The following TOLLIP variants were observed in gnomAD, a reference collection of about 807,000 sequenced individuals.
TOLLIP encodes toll interacting protein.
Under a neutral mutation model 33.5 loss-of-function variants are expected in TOLLIP, and 16 were observed. That is an observed-to-expected ratio of 0.48 (90% CI 0.32 to 0.72). The LOEUF (loss-of-function observed/expected upper bound fraction) is 0.72. TOLLIP is among the 30% of genes least tolerant of loss of function. TOLLIP has a pLI of 0.03. For missense variants in TOLLIP, 325 were observed against 396.6 expected (o/e 0.82, Z 1.53); for synonymous variants, 176 against 163.7 (o/e 1.07, Z -0.57).
rs1354834942 is a variant in TOLLIP, at chr11:1,274,752, A to T, written c.*2287T>A. ...AGGCTGGCAAGGCCTGGGCCCTCAGACACCAGGGGCCTAAACCCAGCTCCC... is the reference window on the plus strand; with the variant it reads ...AGGCTGGCAAGGCCTGGGCCCTCAGTCACCAGGGGCCTAAACCCAGCTCCC... On this transcript the variant is annotated 3_prime_UTR_variant, in exon 6 of 6. Coordinates refer to ENST00000317204, the MANE Select transcript of TOLLIP (RefSeq NM_019009.4). The T allele has an allele frequency of 2.0e-5, 3 of 152,312 alleles. No individual in the cohort carries two copies. In the East Asian group the frequency reaches 5.8e-4, roughly 30 times the overall value. The allele number at this position is 152,312 out of a possible 1,614,324, so 9.4% of individuals were successfully genotyped here.
chr11:1,307,547 C>G (rs1172796281), intron 1 of TOLLIP, among the ~76,000 whole-genome samples: 3 of 152,218 alleles, frequency 2.0e-5, no homozygotes, highest in African/African-American at 7.2e-5. Context: ...GGAACAAGTT[C>G]CCAGGAGGCA....
chr11:1,285,131 G>C (rs1482858234), intron 5 of TOLLIP, among the ~76,000 whole-genome samples: 1 of 151,474 alleles, frequency 6.6e-6, no homozygotes, highest in East Asian at 1.9e-4. Context: ...ATGCAGCCCC[G>C]AGACCCTCCC....
intron 1 of TOLLIP, among the ~76,000 whole-genome samples, chr11:1,300,108 C>T (rs5743918): frequency 0.037 from 5,605 of 152,242 alleles, 350 homozygotes; most frequent in African/African-American, 0.13. Context: ...TAAAAACATT[C>T]GTGAATTACT....
intron 2 of TOLLIP, chr11:1,295,246 A>C: frequency 5.9e-6 from 1 of 168,888 alleles, no homozygotes; most frequent in Non-Finnish European, 1.3e-5. Flanking sequence ...CTCTGTGGGG[A>C]GGGAGGGTGC....
At chr11:1,288,500 AG>A (rs1282011470) in intron 4 of TOLLIP, 123 bp downstream of exon 4, 1 of 1,224,946 alleles carries the variant, frequency 8.2e-7, no homozygotes, top group East Asian at 2.6e-5. Flanking sequence ...TCAGAACGTG[AG>A]CCCTGCTGTT....
intron 5 of TOLLIP, among the ~76,000 whole-genome samples, chr11:1,285,096 CCT>C (rs1391681080): frequency 2.0e-5 from 3 of 152,178 alleles, no homozygotes; most frequent in Non-Finnish European, 2.9e-5. Context: ...CAAAGCAGCC[CCT>C]GAGCACAAGC....
intron 3 of TOLLIP, 141 bp from the exon 4 acceptor site, chr11:1,288,917 G>A: frequency 1.1e-6 from 1 of 878,696 alleles, no homozygotes; most frequent in Admixed American, 2.8e-5. Context: ...CCCCATCGAT[G>A]AGACCCCTCG....
chr11:1,277,952 C>A lies in TOLLIP; in HGVS notation c.611-699G>T, dbSNP rs1001336605. Among the ~76,000 whole-genome samples, 8 of 152,208 alleles carry A rather than the reference C, an allele frequency of 5.3e-5. No individual in the cohort carries two copies. The highest frequency in any genetic ancestry group is 1.7e-4 in the African/African-American group (7 of 41,436). On this transcript the variant is annotated intron_variant, in intron 5 of 5. Transcript: ENST00000317204. The surrounding 1 kb of genome is among the most constrained non-coding windows in gnomAD (Gnocchi z 4.2). ...ACAGTGGACCCTCAGTGCACTGGGG[C>A]CACCGTCCAGGGTTCCTGGCATCTC...
rs1864317139 is a variant in TOLLIP, at chr11:1,302,651, C to A, written c.33+6815G>T. On this transcript the variant is annotated intron_variant, in intron 1 of 5. Transcript: ENST00000317204. ...CGCTCCACACCAGCCTCCTGACACT[C>A]CCCAAAACCCACTCCAGCCAGCCTC... 6.1e-6 allele frequency: 6 copies of A among 987,624 alleles called. No individual in the cohort carries two copies. In the South Asian group the frequency reaches 2.3e-4, roughly 38 times the overall value. The allele number at this position is 987,624 out of a possible 1,614,324, so 61.2% of individuals were successfully genotyped here.
chr11:1,284,606 C>T (rs1863625628), intron 5 of TOLLIP, among the ~76,000 whole-genome samples: 1 of 152,156 alleles, frequency 6.6e-6, no homozygotes, highest in Non-Finnish European at 1.5e-5. Context: ...GCCTTGGCCT[C>T]CCAAGGTGCC....
Position 1,309,562 on chromosome 11 carries a change from C to T in TOLLIP, c.-64G>A, listed in dbSNP as rs144799396. 3,876 of 1,020,290 alleles carry T rather than the reference C, an allele frequency of 3.8e-3. 128 individuals are homozygous for T. In the African/African-American group the frequency reaches 0.06, roughly 16 times the overall value. The allele number at this position is 1,020,290 out of a possible 1,614,324, so 63.2% of individuals were successfully genotyped here. ...TGACGCGCCGGGCGACCTCCTGCGC[C>T]CCCGCCGGAGCCTGCGACGGAGACA... On this transcript the variant is annotated 5_prime_UTR_variant, in exon 1 of 6. Coordinates refer to ENST00000317204, the MANE Select transcript of TOLLIP (RefSeq NM_019009.4).
intron 3 of TOLLIP, among the ~76,000 whole-genome samples, chr11:1,289,202 G>A (rs1432751970): frequency 6.6e-6 from 1 of 152,168 alleles, no homozygotes; most frequent in Non-Finnish European, 1.5e-5. Flanking sequence ...TCCCACAGCT[G>A]ACTCTGCACT....
At chr11:1,307,289 G>A (rs1283782914) in intron 1 of TOLLIP, among the ~76,000 whole-genome samples, 3 of 152,192 alleles carry the variant, frequency 2.0e-5, no homozygotes, top group Non-Finnish European at 4.4e-5. Context: ...ATACCTGCTC[G>A]TCTACATGAT....
rs147274796 is a variant in TOLLIP, at chr11:1,288,613, G to A, written c.519+11C>T. ...CCAATGCGCCCCACCCCGCCCAGGC[G>A]TGCAGCTCACCGCGTAGGACATGAC... On this transcript the variant is annotated intron_variant, in intron 4 of 5. Transcript: ENST00000317204. The A allele has an allele frequency of 2.9e-4, 462 of 1,606,728 alleles. 3 individuals are homozygous for A. In the African/African-American group the frequency reaches 4.9e-3, roughly 17 times the overall value.
At chr11:1,286,368 A>C (rs528800382) in intron 4 of TOLLIP, among the ~76,000 whole-genome samples, 1 of 152,346 alleles carries the variant, frequency 6.6e-6, no homozygotes, top group East Asian at 1.9e-4. Flanking sequence ...GGATGGTGAC[A>C]GGAGGGACAT....
At chr11:1,284,893 T>C (rs2133890352) in intron 5 of TOLLIP, among the ~76,000 whole-genome samples, 1 of 152,292 alleles carries the variant, frequency 6.6e-6, no homozygotes, top group South Asian at 2.1e-4. Flanking sequence ...CTTCCCATCG[T>C]CAGGGCTGGG....
chr11:1,304,321 T>C (rs1590231251), intron 1 of TOLLIP, among the ~76,000 whole-genome samples: 1 of 151,738 alleles, frequency 6.6e-6, no homozygotes, highest in African/African-American at 2.4e-5. Flanking sequence ...AGAAAAGGCA[T>C]GTACAAGCAA....
chr11:1,295,731 C>A lies in TOLLIP; in HGVS notation c.97G>T (p.Val33Phe), dbSNP rs751384463. Residue 33 changes from valine to phenylalanine, a missense_variant, in exon 2 of 6, where the codon GTC becomes TTC. By Grantham distance (50) the Val-to-Phe change is conservative. Coordinates refer to ENST00000317204, the MANE Select transcript of TOLLIP (RefSeq NM_019009.4). ...RITPTQQQRQ[V>F]QLDAQAAQQL... is the part of the protein sequence containing the mutation. Reference sequence around the variant, plus strand: ...TGGGCCGCCTGGGCGTCCAGCTGGACCTGCCGCTGCTGCTGTGTGGGCGTG... The same window carrying A: ...TGGGCCGCCTGGGCGTCCAGCTGGAACTGCCGCTGCTGCTGTGTGGGCGTG... 2 of 1,610,010 alleles carry A rather than the reference C, an allele frequency of 1.2e-6. No individual in the cohort carries two copies. The highest frequency in any genetic ancestry group is 1.7e-6 in the Non-Finnish European group (2 of 1,178,578).
chr11:1,307,867 C>T (rs1193668205), intron 1 of TOLLIP, among the ~76,000 whole-genome samples: 3 of 152,136 alleles, frequency 2.0e-5, no homozygotes, highest in African/African-American at 7.2e-5. Context: ...GCAGCTATGC[C>T]CAAAACCTGG....
Sources: allele counts gnomAD v4.1 joint callset (sites outside exome capture counted in the v4.1 genomes callset), GRCh38; gene constraint gnomAD v4.1.1; non-coding constraint Gnocchi (gnomAD v3.1); transcripts MANE v1.5; gene names NCBI Gene and HGNC (gene_info 2026-07-23, HGNC 2026-07-21).